The following SLC30A8 variants were observed in gnomAD, a reference collection of about 807,000 sequenced individuals.
SLC30A8 encodes solute carrier family 30 member 8, also known as proton-coupled zinc antiporter SLC30A8.
SLC30A8 carries 27 observed loss-of-function variants against 36.9 expected under a neutral mutation model. The observed-to-expected ratio is 0.73, with a 90% CI of 0.54 to 1.01. The LOEUF is 1.01. Among genes scored for constraint, SLC30A8 ranks in the 50% least tolerant of loss-of-function variants. The probability of loss-of-function intolerance (pLI) is 0.00; values close to 1 mark genes in which losing one functional copy is unlikely to be tolerated. For missense variants in SLC30A8, 439 were observed against 452.0 expected (o/e 0.97, Z 0.26); for synonymous variants, 164 against 172.4 (o/e 0.95, Z 0.38).
chr8:117,023,013 C>A (rs1030794740), intron 1 of SLC30A8, among the ~76,000 whole-genome samples: 9 of 152,146 alleles, frequency 5.9e-5, no homozygotes, highest in Non-Finnish European at 1.2e-4. Context: ...CTACAATGAA[C>A]TCCAACAAAT....
At chr8:117,136,545 T>A (rs960894272) in intron 1 of SLC30A8, among the ~76,000 whole-genome samples, 7 of 151,992 alleles carry the variant, frequency 4.6e-5, no homozygotes, top group African/African-American at 1.7e-4. Context: ...CAAAGAGATT[T>A]TATAAAAAGG....
At chr8:116,980,968 C>T (rs938480478) in intron 1 of SLC30A8, among the ~76,000 whole-genome samples, 2 of 152,148 alleles carry the variant, frequency 1.3e-5, no homozygotes, top group African/African-American at 4.8e-5. Context: ...ACAAGTCACC[C>T]TAAACTTAGT....
At chr8:117,165,383 A>G (rs1823007472) in intron 6 of SLC30A8, among the ~76,000 whole-genome samples, 1 of 152,196 alleles carries the variant, frequency 6.6e-6, no homozygotes, top group Non-Finnish European at 1.5e-5. Context: ...TGTACTGTAT[A>G]TTTATCTGCA....
intron 1 of SLC30A8, among the ~76,000 whole-genome samples, chr8:117,038,951 G>T (rs1817300175): frequency 6.6e-6 from 1 of 152,218 alleles, no homozygotes; most frequent in South Asian, 2.1e-4. Flanking sequence ...AAGTGCAGTT[G>T]TCAAGGCTGT....
intron 1 of SLC30A8, among the ~76,000 whole-genome samples, chr8:117,139,501 TA>T (rs1173488442): frequency 6.6e-6 from 1 of 152,100 alleles, no homozygotes; most frequent in Non-Finnish European, 1.5e-5. Flanking sequence ...TGTGAGAAAA[TA>T]CATTTTTGTT....
intron 2 of SLC30A8, among the ~76,000 whole-genome samples, chr8:117,044,856 C>T (rs1026084353): frequency 1.3e-5 from 2 of 152,196 alleles, no homozygotes; most frequent in African/African-American, 4.8e-5. Context: ...CCGCGGAGCC[C>T]TGGCTTCAAA....
chr8:117,137,811 T>TA (rs1326249439), intron 1 of SLC30A8, among the ~76,000 whole-genome samples: 15 of 152,064 alleles, frequency 9.9e-5, no homozygotes, highest in African/African-American at 3.6e-4. Flanking sequence ...GTATCATTTT[T>TA]ATCACAATTT....
intron 2 of SLC30A8, among the ~76,000 whole-genome samples, chr8:117,124,799 TG>T (rs1184389219): frequency 1.3e-5 from 2 of 151,246 alleles, no homozygotes; most frequent in East Asian, 2.0e-4. Flanking sequence ...GACTACTAGA[TG>T]GGGGAGGGTG....
At chr8:117,083,870 C>A (rs1244064271) in intron 2 of SLC30A8, among the ~76,000 whole-genome samples, 2 of 152,102 alleles carry the variant, frequency 1.3e-5, no homozygotes, top group African/African-American at 4.8e-5. Context: ...CTAATAATTA[C>A]ACTCACTGTG....
chr8:117,169,041 AG>A (rs570724719), intron 6 of SLC30A8, among the ~76,000 whole-genome samples: 404 of 152,302 alleles, frequency 2.7e-3, no homozygotes, highest in African/African-American at 9.3e-3. Flanking sequence ...CCTCAATAAA[AG>A]TTTGTTATTA....
At chr8:117,007,098 GC>G (rs1271242923) in intron 1 of SLC30A8, 1 of 149,472 alleles carries the variant, frequency 6.7e-6, no homozygotes, top group East Asian at 2.0e-4. Context: ...GAGCCACCGC[GC>G]CCCGGGGGAG....
chr8:117,075,535 A>G (rs944193536), intron 2 of SLC30A8, among the ~76,000 whole-genome samples: 2 of 152,220 alleles, frequency 1.3e-5, no homozygotes, highest in Non-Finnish European at 2.9e-5. Context: ...TTCTCATAAA[A>G]TGTCATTGTG....
chr8:117,157,452 A>C (rs1822553931), intron 3 of SLC30A8, among the ~76,000 whole-genome samples: 1 of 152,218 alleles, frequency 6.6e-6, no homozygotes, highest in African/African-American at 2.4e-5. Flanking sequence ...AAATTTGCTG[A>C]AAAATTACTT....
intron 2 of SLC30A8, among the ~76,000 whole-genome samples, chr8:117,068,560 A>T (rs553038968): frequency 1.3e-5 from 2 of 152,058 alleles, no homozygotes; most frequent in South Asian, 4.2e-4. Flanking sequence ...GAGCATCACC[A>T]CTTTATTTTT....
intron 1 of SLC30A8, among the ~76,000 whole-genome samples, chr8:117,013,765 C>T: frequency 6.6e-6 from 1 of 152,174 alleles, no homozygotes. Context: ...ATTTTAATCC[C>T]TCTTTTTAAC....
intron 2 of SLC30A8, among the ~76,000 whole-genome samples, chr8:117,059,932 C>T (rs1012966372): frequency 3.3e-5 from 5 of 151,966 alleles, no homozygotes; most frequent in African/African-American, 1.2e-4. Flanking sequence ...AGGTTCTGAG[C>T]TAGTGTGGAG....
chr8:117,022,093 G>A (rs1408788001), intron 1 of SLC30A8, among the ~76,000 whole-genome samples: 1 of 151,888 alleles, frequency 6.6e-6, no homozygotes, highest in Non-Finnish European at 1.5e-5. Flanking sequence ...CCAGCTACTC[G>A]GGAGGCTGGG....
intron 2 of SLC30A8, among the ~76,000 whole-genome samples, chr8:117,065,162 AC>A (rs1818131022): frequency 6.6e-6 from 1 of 152,158 alleles, no homozygotes; most frequent in Non-Finnish European, 1.5e-5. Context: ...AAAACTGGAG[AC>A]CATAAACTAT....
At chr8:117,154,887 C>T (rs1234600132) in intron 3 of SLC30A8, among the ~76,000 whole-genome samples, 1 of 152,152 alleles carries the variant, frequency 6.6e-6, no homozygotes, top group Non-Finnish European at 1.5e-5. Context: ...GAACTCTCTG[C>T]TGCGAGGGCA....
Sources: gnomAD v4.1 joint callset for allele counts (sites outside exome capture counted in the v4.1 genomes callset) on GRCh38, gnomAD v4.1.1 for gene constraint, MANE v1.5 for transcripts, NCBI Gene and HGNC (gene_info 2026-07-23, HGNC 2026-07-21) for gene names.